The following PCDH11Y variants were observed in gnomAD, a reference collection of about 807,000 sequenced individuals.
PCDH11Y encodes the protein protocadherin-11 Y-linked.
For missense variants in PCDH11Y, 12 were observed against 224.8 expected (o/e 0.05, Z 6.05); for synonymous variants, 9 against 83.6 (o/e 0.11, Z 4.87).
intron 2 of PCDH11Y, among the ~76,000 whole-genome samples, chrY:5,228,643 G>T: frequency 3.1e-5 from 1 of 32,150 alleles, no homozygotes. Flanking sequence ...TTTGTTTCAA[G>T]AAATTTTTGA....
intron 2 of PCDH11Y, among the ~76,000 whole-genome samples, chrY:5,375,670 T>A (rs368815514): frequency 3.0e-3 from 99 of 32,900 alleles, no homozygotes; most frequent in African/African-American, 0.011. Flanking sequence ...ATGTATTTAG[T>A]TATTACTTAA....
intron 2 of PCDH11Y, among the ~76,000 whole-genome samples, chrY:5,141,892 AC>A (rs2052850837): frequency 3.9e-5 from 1 of 25,632 alleles, no homozygotes. Flanking sequence ...AGCAATGGCA[AC>A]AAAAGCCAAA....
chrY:5,107,785 T>C (rs1602868391), downstream of PCDH11Y, among the ~76,000 whole-genome samples: 87 of 31,772 alleles, frequency 2.7e-3, no homozygotes, highest in East Asian at 0.07. Flanking sequence ...ATCGGCCGGG[T>C]GTGGTGGCTC....
At chrY:5,239,648 G>A in intron 2 of PCDH11Y, among the ~76,000 whole-genome samples, 4 of 33,547 alleles carry the variant, frequency 1.2e-4, no homozygotes, top group African/African-American at 3.5e-4. Flanking sequence ...AATAATGTGC[G>A]TATCTTAATT....
chrY:5,338,978 T>A, intron 2 of PCDH11Y: 1 of 167,753 alleles, frequency 6.0e-6, no homozygotes. Flanking sequence ...CCTGAGAAAC[T>A]AGCCTTTTTA....
chrY:5,385,773 G>T lies in PCDH11Y; in HGVS notation c.3130-115284G>T, dbSNP rs1602916874. Among the ~76,000 whole-genome samples the T allele has an allele frequency of 1.2e-4, 4 of 33,594 alleles. No individual in the cohort carries two copies. The South Asian group carries it at 2.6e-3, about 22-fold the overall frequency. 90.1% of individuals were successfully genotyped at this position (33,594 alleles called of 37,273 possible). ...CCCTGATCATTAGTGCTGTTGATCAGTTTCTTATATGTTTCTTGGCCACTT... is the reference window on the plus strand; with the variant it reads ...CCCTGATCATTAGTGCTGTTGATCATTTTCTTATATGTTTCTTGGCCACTT... On this transcript the variant is annotated intron_variant, in intron 2 of 4. Transcript: ENST00000400457.
intron 4 of PCDH11Y, among the ~76,000 whole-genome samples, chrY:5,726,150 T>G: frequency 3.2e-5 from 1 of 31,640 alleles, no homozygotes. Context: ...GTTCCTCAAA[T>G]GGTAAACAGA....
At chrY:5,304,167 A>AG (rs2053087104) in intron 2 of PCDH11Y, among the ~76,000 whole-genome samples, 1 of 32,726 alleles carries the variant, frequency 3.1e-5, no homozygotes, top group African/African-American at 1.2e-4. Context: ...AAAGTAAAAA[A>AG]AAAATAGATT....
intron 2 of PCDH11Y, among the ~76,000 whole-genome samples, chrY:5,183,055 G>T: frequency 3.0e-5 from 1 of 33,620 alleles, no homozygotes; most frequent in Non-Finnish European, 7.4e-5. Context: ...CTGGGTGTCT[G>T]TGTGTGTCTG....
At chrY:5,694,143 G>A (rs2124711081) in intron 4 of PCDH11Y, among the ~76,000 whole-genome samples, 1 of 32,432 alleles carries the variant, frequency 3.1e-5, no homozygotes, top group East Asian at 8.0e-4. Flanking sequence ...TCAAACATAC[G>A]GTAATGCTAT....
chrY:5,600,943 C>T, intron 4 of PCDH11Y, among the ~76,000 whole-genome samples: 1 of 32,473 alleles, frequency 3.1e-5, no homozygotes, highest in African/African-American at 1.2e-4. Flanking sequence ...GTGTACACAC[C>T]ACTGACAACA....
intron 3 of PCDH11Y, among the ~76,000 whole-genome samples, chrY:5,515,950 C>G: frequency 3.0e-5 from 1 of 33,662 alleles, no homozygotes; most frequent in Admixed American, 2.7e-4. Flanking sequence ...TGTAAAACCC[C>G]AAACTATAAA....
intron 2 of PCDH11Y, among the ~76,000 whole-genome samples, chrY:5,253,621 T>C: frequency 3.1e-5 from 1 of 32,061 alleles, no homozygotes; most frequent in Non-Finnish European, 7.6e-5. Flanking sequence ...TTCAGTGCTT[T>C]AAAGAGTTAA....
At chrY:5,489,739 GAT>G (rs2124686786) in intron 2 of PCDH11Y, among the ~76,000 whole-genome samples, 1 of 33,129 alleles carries the variant, frequency 3.0e-5, no homozygotes, top group East Asian at 8.0e-4. Context: ...AATTTAGAAA[GAT>G]ATTTTTGTGT....
chrY:5,669,058 G>A (rs2053547019), intron 4 of PCDH11Y, among the ~76,000 whole-genome samples: 1 of 32,629 alleles, frequency 3.1e-5, no homozygotes, highest in Non-Finnish European at 7.6e-5. Flanking sequence ...CATAATAATT[G>A]AACATATTTA....
intron 2 of PCDH11Y, among the ~76,000 whole-genome samples, chrY:5,496,478 G>T: frequency 9.2e-5 from 3 of 32,533 alleles, no homozygotes; most frequent in Admixed American, 5.7e-4. Context: ...TCAACATTAG[G>T]GTTAAGTAGT....
chrY:5,709,024 T>C, intron 4 of PCDH11Y, among the ~76,000 whole-genome samples: 1 of 32,520 alleles, frequency 3.1e-5, no homozygotes, highest in Non-Finnish European at 7.5e-5. Context: ...GCTTCCCCAA[T>C]TATTCCGCCG....
At chrY:5,145,404 C>G (rs2052855968) in intron 2 of PCDH11Y, among the ~76,000 whole-genome samples, 1 of 33,298 alleles carries the variant, frequency 3.0e-5, no homozygotes, top group African/African-American at 1.2e-4. Context: ...TCCAAAGTGG[C>G]TATAGATTCT....
At chrY:5,315,237 G>A in intron 2 of PCDH11Y, among the ~76,000 whole-genome samples, 1 of 32,504 alleles carries the variant, frequency 3.1e-5, no homozygotes. Flanking sequence ...AGACAGACTT[G>A]AAACAGGCTA....
Sources: gnomAD v4.1 joint callset for allele counts (sites outside exome capture counted in the v4.1 genomes callset) on GRCh38, gnomAD v4.1.1 for gene constraint, MANE v1.5 for transcripts, NCBI Gene and HGNC (gene_info 2026-07-23, HGNC 2026-07-21) for gene names.